C16orf90: variants seen among roughly 807,000 people sequenced by gnomAD.
C16orf90 encodes the protein chromosome 16 open reading frame 90.
Under a neutral mutation model 17.1 loss-of-function variants are expected in C16orf90, and 17 were observed. The ratio of observed to expected loss-of-function variants is 1.00; its 90% CI spans 0.68 to 1.49. C16orf90 has a LOEUF of 1.49. Among genes scored for constraint, C16orf90 ranks in the 40% most tolerant of loss-of-function variants. The probability of loss-of-function intolerance (pLI) is 0.00; values close to 1 mark genes in which losing one functional copy is unlikely to be tolerated. For missense variants in C16orf90, 255 were observed against 235.5 expected (o/e 1.08, Z -0.54); for synonymous variants, 108 against 95.8 (o/e 1.13, Z -0.75).
At chr16:3,496,210 G>A (rs188774649), upstream of C16orf90, 11 of 580,048 alleles carry the variant, frequency 1.9e-5, no homozygotes, top group African/African-American at 2.1e-4. Flanking sequence ...CATGGGAGCT[G>A]ACGTCCGCCA....
At chr16:3,496,154 A>G (rs2037306186), upstream of C16orf90, 18 of 427,578 alleles carry the variant, frequency 4.2e-5, no homozygotes, top group South Asian at 3.0e-4. Flanking sequence ...AAAAAAAAAA[A>G]GTTAAACATT....
rs1432358355 is a variant in C16orf90 at position 3,493,870 on chromosome 16, C to G, written c.518G>C (p.Arg173Thr). The G allele has an allele frequency of 6.2e-7, 1 of 1,606,932 alleles. No homozygotes were observed. The highest frequency in any genetic ancestry group is 8.5e-7 in the Non-Finnish European group (1 of 1,176,962). ...WEEAMCPLCK[R>T]TRSGALERP ...CCTCTCCAGGGCCCCAGAGCGGGTT[C>G]TCTTGCACAAGGGACACATGGCCTC... The change falls in exon 3 of 3, where the codon AGA (arginine) becomes ACA (threonine). Residue 173 changes from arginine to threonine, a missense_variant. By Grantham distance (71) the Arg-to-Thr change is moderately conservative (BLOSUM62 -1). Transcript: ENST00000437192.
chr16:3,494,535 A>G lies in C16orf90; in HGVS notation c.389T>C (p.Leu130Pro). Reference protein sequence around the residue: ...LLEARLPRDSLGSSASSSSMD... With the variant: ...LLEARLPRDSPGSSASSSSMD... Reference sequence around the variant, plus strand: ...TTGACAGAGCTCACCACTGCTTCCCAGGCTGTCCCTGGGCAATCGGGCTTC... The same window carrying G: ...TTGACAGAGCTCACCACTGCTTCCCGGGCTGTCCCTGGGCAATCGGGCTTC... The change falls in exon 2 of 3, where the codon CTG becomes CCG. Residue 130 changes from leucine (L) to proline (P), a missense_variant. Transcript: ENST00000437192. 6 of 1,612,710 alleles carry G rather than the reference A, an allele frequency of 3.7e-6. No individual in the cohort carries two copies. Among genetic ancestry groups the G allele is most frequent in the Non-Finnish European group, 5.1e-6 (6 of 1,179,762 alleles).
At chr16:3,495,922 T>C (rs548640165), upstream of C16orf90, among the ~76,000 whole-genome samples, 2 of 152,114 alleles carry the variant, frequency 1.3e-5, no homozygotes, top group African/African-American at 2.4e-5. Flanking sequence ...GGGCGGATCA[T>C]GAGGTCAGGA....
At chr16:3,495,289 T>C in intron 1 of C16orf90, 87 bp downstream of exon 1, 1 of 1,464,872 alleles carries the variant, frequency 6.8e-7, no homozygotes, top group Non-Finnish European at 9.4e-7. Flanking sequence ...CAAGCATACA[T>C]GTCCCTGAGG....
upstream of C16orf90, chr16:3,496,111 A>C: frequency 2.7e-6 from 1 of 374,360 alleles, no homozygotes; most frequent in South Asian, 2.1e-5. Flanking sequence ...ACTGCACTCC[A>C]GCCTGGGCTG....
chr16:3,496,564 C>G, upstream of C16orf90: 1 of 543,816 alleles, frequency 1.8e-6, no homozygotes, highest in East Asian at 4.9e-5. Context: ...GGGCCAAGAT[C>G]CTGACTTTCG....
rs965846005 is a variant in C16orf90, at chr16:3,494,230, C to A, written c.401-243G>T. 7.2e-5 allele frequency among the ~76,000 whole-genome samples: 11 copies of A among 152,160 alleles called. 1 individual carries two copies. The highest frequency in any genetic ancestry group is 4.1e-4 in the South Asian group (2 of 4,826). On this transcript the variant is annotated intron_variant, in intron 2 of 2. Coordinates refer to ENST00000437192, the MANE Select transcript of C16orf90 (RefSeq NM_001080524.2). Reference sequence around the variant, plus strand: ...TTTTACAAGTGAGAAAACTGAGGCCCAGCAAGGGAGACAGATTCCAAGGCC... The same window carrying A: ...TTTTACAAGTGAGAAAACTGAGGCCAAGCAAGGGAGACAGATTCCAAGGCC...
At position 3,494,705 on chromosome 16, in the gene C16orf90, C is replaced by T. The variant is rs779227572; in HGVS notation, c.219G>A (p.Pro73=). 2.4e-5 allele frequency: 38 copies of T among 1,608,984 alleles called. No individual in the cohort carries two copies. Among genetic ancestry groups the T allele is most frequent in the Middle Eastern group, 1.6e-4 (1 of 6,066 alleles). ...GGCTCTCACACTGGCCAGTGGGTGG[C>T]GGGTGGCTCTCCAGGTAGAGGCCCA... The part of the protein sequence containing the change: ...RGLGLYLESH[P]PPTGQCESHW... The change falls in exon 2 of 3, where the codon CCG becomes CCA. Residue 73 remains proline (P), a synonymous_variant. Coordinates refer to ENST00000437192, the MANE Select transcript of C16orf90 (RefSeq NM_001080524.2).
chr16:3,495,383 T>G lies in C16orf90; in HGVS notation c.39A>C (p.Ile13=). The G allele has an allele frequency of 6.2e-7, 1 of 1,608,612 alleles. No homozygotes were observed. Among genetic ancestry groups the G allele is most frequent in the South Asian group, 1.1e-5 (1 of 89,580 alleles). The change falls in exon 1 of 3, where the codon ATA becomes ATC. Residue 13 remains isoleucine, a synonymous_variant. Transcript: ENST00000437192. ...CTCCCCACAGCCCGGCACCTTCTCT[T>G]ATGTGCAGCTCAGAAAATGCACAGA... ...ALVCAFSELH[I]REDAVSQAQG... is the part of the protein sequence containing the mutation.
intron 1 of C16orf90, 71 bp from the exon 2 acceptor site, chr16:3,494,948 T>G (rs2037287407): frequency 3.5e-6 from 4 of 1,154,702 alleles, no homozygotes; most frequent in Non-Finnish European, 4.8e-6. Flanking sequence ...TGCAGTCACA[T>G]ACCTCTGAGA....
At chr16:3,494,478 C>T (rs1471213215) in intron 2 of C16orf90, 46 bp downstream of exon 2, 1 of 1,537,094 alleles carries the variant, frequency 6.5e-7, no homozygotes, top group Non-Finnish European at 8.9e-7. Context: ...CCCAACCATC[C>T]CCTAGGGTCT....
At position 3,495,372 on chromosome 16, in the gene C16orf90, G is replaced by A. The variant is rs1468659474; in HGVS notation, c.46+4C>T. The A allele has an allele frequency of 5.0e-6, 8 of 1,606,010 alleles. No individual in the cohort carries two copies. Among genetic ancestry groups the A allele is most frequent in the Non-Finnish European group, 6.8e-6 (8 of 1,176,200 alleles). On this transcript the variant is annotated splice_donor_region_variant and intron_variant, in intron 1 of 2. Transcript: ENST00000437192. ...TCCTGCCACTCCTCCCCACAGCCCG[G>A]CACCTTCTCTTATGTGCAGCTCAGA...
At position 3,493,754 on chromosome 16, in the gene C16orf90, A is replaced by G; in HGVS notation, c.*85T>C. On this transcript the variant is annotated 3_prime_UTR_variant, in exon 3 of 3. Transcript: ENST00000437192. ...CTGGGCCACCCCATGTGGCAGGGCC[A>G]CTGCCGGGGGCCGAGCCCCTCCTGC... The G allele has an allele frequency of 7.2e-7, 1 of 1,387,868 alleles. No homozygotes were observed. The highest frequency in any genetic ancestry group is 9.7e-7 in the Non-Finnish European group (1 of 1,029,544). The allele number at this position is 1,387,868 out of a possible 1,614,324, so 86.0% of individuals were successfully genotyped here.
chr16:3,493,650 C>T lies in C16orf90; in HGVS notation c.*189G>A. The T allele has an allele frequency of 2.0e-6, 1 of 511,514 alleles. No individual in the cohort carries two copies. Among genetic ancestry groups the T allele is most frequent in the South Asian group, 2.9e-5 (1 of 34,048 alleles). The allele number at this position is 511,514 out of a possible 1,614,324, so 31.7% of individuals were successfully genotyped here. The stretch of plus-strand genomic sequence containing the variant: ...CACGGCCATGCTTCTATTGCTTCTG[C>T]CCCTCCCTCGGAACCTCCTCCTCCT... On this transcript the variant is annotated 3_prime_UTR_variant, in exon 3 of 3. Coordinates refer to ENST00000437192, the MANE Select transcript of C16orf90 (RefSeq NM_001080524.2).
At chr16:3,495,212 A>G (rs1567414704) in intron 1 of C16orf90, among the ~76,000 whole-genome samples, 164 bp downstream of exon 1, 1 of 152,130 alleles carries the variant, frequency 6.6e-6, no homozygotes, top group African/African-American at 2.4e-5. Flanking sequence ...GAAATTGCAC[A>G]GTGGGTTTGA....
At position 3,493,955 on chromosome 16, in the gene C16orf90, C is replaced by G; in HGVS notation, c.433G>C (p.Ala145Pro). ...SSSSMDPDKG[A>P]LPQPSPSRLR... is the part of the protein sequence containing the mutation. Reference sequence around the variant, plus strand: ...CTAGAAGGACTAGGCTGGGGGAGGGCACCCTTGTCTGGGTCCATGCTGGAA... The same window carrying G: ...CTAGAAGGACTAGGCTGGGGGAGGGGACCCTTGTCTGGGTCCATGCTGGAA... Residue 145 changes from alanine (A) to proline (P), a missense_variant, in exon 3 of 3, where the codon GCC (alanine) becomes CCC (proline). By Grantham distance (27) the Ala-to-Pro change is conservative. Transcript: ENST00000437192. The G allele has an allele frequency of 6.2e-7, 1 of 1,610,556 alleles. No individual in the cohort carries two copies. Among genetic ancestry groups the G allele is most frequent in the Non-Finnish European group, 8.5e-7 (1 of 1,178,332 alleles).
Position 3,493,904 on chromosome 16 carries a change from T to C in C16orf90, c.484A>G (p.Thr162Ala), listed in dbSNP as rs778939191. Residue 162 changes from threonine (T) to alanine (A), a missense_variant, in exon 3 of 3, where the codon ACC becomes GCC. Transcript: ENST00000437192. ...AAGGGACACATGGCCTCTTCCCAGG[T>C]CCCCCAGGACCTCTTGGGCCTGAGC... ...SRLRPKRSWG[T>A]WEEAMCPLCK... 1 of 1,608,494 alleles carries C rather than the reference T, an allele frequency of 6.2e-7. No individual in the cohort carries two copies. The highest frequency in any genetic ancestry group is 8.5e-7 in the Non-Finnish European group (1 of 1,177,640).
chr16:3,495,355 C>G (rs1258649115), intron 1 of C16orf90, 21 bp downstream of exon 1: 2 of 1,598,056 alleles, frequency 1.3e-6, no homozygotes, highest in South Asian at 1.1e-5. Context: ...CTTCCTGCCA[C>G]TCCTCCCCAC....
Sources: allele counts gnomAD v4.1 joint callset (sites outside exome capture counted in the v4.1 genomes callset), GRCh38; gene constraint gnomAD v4.1.1; transcripts MANE v1.5; gene names NCBI Gene and HGNC (gene_info 2026-07-23, HGNC 2026-07-21).